MTA3: variants seen among roughly 807,000 people sequenced by gnomAD.
MTA3 encodes metastasis associated 1 family member 3.
Under a neutral mutation model 83.5 loss-of-function variants are expected in MTA3, and 34 were observed. The ratio of observed to expected loss-of-function variants is 0.41; its 90% CI spans 0.31 to 0.54. MTA3 has a LOEUF of 0.54. Ranked by LOEUF, MTA3 falls within the 20% of genes least tolerant of loss-of-function variation. The pLI is 0.33. For missense variants in MTA3, 761 were observed against 726.4 expected, an observed-to-expected ratio of 1.05 and a Z score of -0.55; for synonymous variants, 303 against 252.7, an observed-to-expected ratio of 1.20 and a Z score of -1.89.
intron 3 of MTA3, among the ~76,000 whole-genome samples, chr2:42,602,494 A>G (rs1041142463): frequency 3.3e-5 from 5 of 152,208 alleles, no homozygotes; most frequent in Non-Finnish European, 7.3e-5. Context: ...CAGATTCCCA[A>G]AGTGGTTGGA....
intron 9 of MTA3, 198 bp downstream of exon 9, chr2:42,682,787 A>G (rs932339124): frequency 3.7e-5 from 21 of 561,298 alleles, no homozygotes; most frequent in Non-Finnish European, 6.2e-5. Context: ...GACCCACGCT[A>G]TCAGGCCGGG....
At chr2:42,554,483 G>T (rs1223302389) in intron 2 of MTA3, among the ~76,000 whole-genome samples, 2 of 152,114 alleles carry the variant, frequency 1.3e-5, no homozygotes, top group Non-Finnish European at 2.9e-5. Context: ...GCCTGTCTCA[G>T]CTGTTCTTAG....
At chr2:42,605,857 C>G (rs548356697) in intron 3 of MTA3, among the ~76,000 whole-genome samples, 1 of 133,996 alleles carries the variant, frequency 7.5e-6, no homozygotes, top group Non-Finnish European at 1.6e-5. Flanking sequence ...CCCCCACCTC[C>G]CTCCTGGACG....
At chr2:42,558,743 C>T (rs1434290978) in intron 2 of MTA3, among the ~76,000 whole-genome samples, 8 of 150,740 alleles carry the variant, frequency 5.3e-5, no homozygotes, top group Non-Finnish European at 8.9e-5. Flanking sequence ...TTAGTAGAGA[C>T]GGGGTTTCAC....
intron 8 of MTA3, among the ~76,000 whole-genome samples, chr2:42,669,849 G>A (rs1690635715): frequency 6.6e-6 from 1 of 152,130 alleles, no homozygotes; most frequent in Non-Finnish European, 1.5e-5. Context: ...ACATCAGAAA[G>A]GCACTGTAGA....
chr2:42,536,020 T>C (rs1326541990), intron 2 of MTA3, among the ~76,000 whole-genome samples: 1 of 151,162 alleles, frequency 6.6e-6, no homozygotes, highest in Non-Finnish European at 1.5e-5. Flanking sequence ...CTCAGGAAGT[T>C]GAGGCAGGAA....
intron 3 of MTA3, among the ~76,000 whole-genome samples, chr2:42,591,457 A>G (rs1218124598): frequency 5.9e-5 from 9 of 152,122 alleles, no homozygotes; most frequent in Admixed American, 5.2e-4. Context: ...ATTTATGGAA[A>G]CGTTTTCCTT....
intron 2 of MTA3, among the ~76,000 whole-genome samples, chr2:42,499,785 A>G (rs1013241751): frequency 2.0e-5 from 3 of 151,850 alleles, no homozygotes; most frequent in African/African-American, 4.8e-5. Flanking sequence ...GAAAAAAAAA[A>G]AGGAATAATA....
rs531859698 is a variant in MTA3 at position 42,596,943 on chromosome 2, C to T, written c.191-12515C>T. 2.0e-4 allele frequency among the ~76,000 whole-genome samples: 31 copies of T among 151,928 alleles called. 1 individual carries two copies. In the South Asian group the frequency reaches 5.8e-3, roughly 29 times the overall value. On this transcript the variant is annotated intron_variant, in intron 3 of 16. Coordinates refer to ENST00000405094, the MANE Select transcript of MTA3 (RefSeq NM_001330442.2). ...TTTTGGAGACAGAGTCTCGCTCTGT[C>T]GCCCAGGCTGGAGTGCAGTGGTGCG...
chr2:42,714,035 A>T (rs1019223345), intron 14 of MTA3, among the ~76,000 whole-genome samples: 1 of 152,206 alleles, frequency 6.6e-6, no homozygotes, highest in African/African-American at 2.4e-5. Context: ...CACTCACAAC[A>T]TCTAGACAAT....
chr2:42,656,358 A>G (rs901864337), intron 7 of MTA3, 56 bp downstream of exon 7: 7 of 1,100,922 alleles, frequency 6.4e-6, no homozygotes, highest in African/African-American at 3.2e-5. Flanking sequence ...AAAAGAATTT[A>G]TAGGTATATG....
chr2:42,601,387 C>T (rs567812049), intron 3 of MTA3, among the ~76,000 whole-genome samples: 132 of 152,286 alleles, frequency 8.7e-4, no homozygotes, highest in Non-Finnish European at 1.3e-3. Context: ...CTATCCAATA[C>T]GCTATGAACT....
Position 42,574,491 on chromosome 2 carries a change from A to G in MTA3, c.96+3987A>G, listed in dbSNP as rs1678833547. Among the ~76,000 whole-genome samples the G allele has an allele frequency of 2.6e-5, 4 of 151,888 alleles. No individual in the cohort carries two copies. The South Asian group carries it at 6.2e-4, about 24-fold the overall frequency. On this transcript the variant is annotated intron_variant, in intron 2 of 16. Transcript: ENST00000405094. ...TTAGTTGTCACCCAGGCTGGAGTGC[A>G]GTAGCATAGATCCTGGCTCACTGCA...
intron 13 of MTA3, 68 bp downstream of exon 13, chr2:42,708,122 G>A: frequency 1.3e-6 from 2 of 1,489,210 alleles, no homozygotes; most frequent in Non-Finnish European, 9.0e-7. Flanking sequence ...CTTGGAAACA[G>A]AAGTACAGTA....
chr2:42,512,281 GGCTCAGCCAAAAA>G (rs1443929262), intron 2 of MTA3, among the ~76,000 whole-genome samples: 1 of 152,076 alleles, frequency 6.6e-6, no homozygotes, highest in Non-Finnish European at 1.5e-5. Flanking sequence ...AAGAGCCTAT[GGCTCAGCCAAAAA>G]TGATGAGAGA....
intron 2 of MTA3, among the ~76,000 whole-genome samples, chr2:42,573,062 G>C (rs924873146): frequency 1.1e-4 from 17 of 152,116 alleles, no homozygotes; most frequent in African/African-American, 4.1e-4. Context: ...AAGCAGTCAA[G>C]CTGCATGGAC....
At chr2:42,594,391 C>T (rs529063475) in intron 3 of MTA3, among the ~76,000 whole-genome samples, 1 of 150,576 alleles carries the variant, frequency 6.6e-6, no homozygotes, top group South Asian at 2.1e-4. Flanking sequence ...TGTGCACCAC[C>T]ATGCCCGGCT....
intron 2 of MTA3, among the ~76,000 whole-genome samples, chr2:42,508,463 C>G (rs985185509): frequency 3.3e-5 from 5 of 152,052 alleles, no homozygotes; most frequent in African/African-American, 1.2e-4. Flanking sequence ...CCCTGAGCAT[C>G]TGGGACTACA....
At chr2:42,687,150 C>T (rs990514503) in intron 9 of MTA3, among the ~76,000 whole-genome samples, 45 of 151,936 alleles carry the variant, frequency 3.0e-4, no homozygotes, top group South Asian at 2.1e-4. Context: ...AACTCATCAC[C>T]ACAATCAAGA....
Sources: gnomAD v4.1 joint callset for allele counts (sites outside exome capture counted in the v4.1 genomes callset) on GRCh38, gnomAD v4.1.1 for gene constraint, MANE v1.5 for transcripts, NCBI Gene and HGNC (gene_info 2026-07-23, HGNC 2026-07-21) for gene names.